Variants in ALMS1 observed in about 807,000 individuals in gnomAD.
The protein encoded by ALMS1 is centrosome-associated protein ALMS1.
A neutral mutation model predicts 352.2 loss-of-function variants in ALMS1; 271 were observed. The ratio of observed to expected loss-of-function variants is 0.77; its 90% CI spans 0.70 to 0.85. ALMS1 has a LOEUF of 0.85. Ranked by LOEUF, ALMS1 falls within the 40% of genes least tolerant of loss-of-function variation. The pLI, the probability that ALMS1 is intolerant of heterozygous loss-of-function variation, is 0.00. For missense variants in ALMS1, 5,445 were observed against 4,870.7 expected (o/e 1.12, Z -3.51); for synonymous variants, 1,865 against 1,761.2 (o/e 1.06, Z -1.48).
chr2:73,487,117 A>T (rs1211109541), intron 9 of ALMS1, among the ~76,000 whole-genome samples: 1 of 152,108 alleles, frequency 6.6e-6, no homozygotes, highest in East Asian at 1.9e-4. Flanking sequence ...CAAGCTGGAA[A>T]CCACTGTGGC....
intron 1 of ALMS1, among the ~76,000 whole-genome samples, chr2:73,403,258 A>C (rs1008730936): frequency 9.2e-5 from 14 of 152,158 alleles, no homozygotes; most frequent in African/African-American, 3.4e-4. Flanking sequence ...AGGAAATTTA[A>C]TTTTCTCAGC....
chr2:73,395,078 A>ATATATATTTTT (rs1243905312), intron 1 of ALMS1, among the ~76,000 whole-genome samples: 2 of 101,330 alleles, frequency 2.0e-5, no homozygotes, highest in African/African-American at 9.5e-5. Context: ...ATATATATAT[A>ATATATATTTTT]TTTTTTTTTT....
intron 6 of ALMS1, among the ~76,000 whole-genome samples, chr2:73,430,614 A>G (rs1671480685): frequency 6.6e-6 from 1 of 152,194 alleles, no homozygotes; most frequent in Admixed American, 6.5e-5. Flanking sequence ...CCATAAGATT[A>G]AAATACTGTA....
intron 13 of ALMS1, among the ~76,000 whole-genome samples, chr2:73,554,550 A>G (rs956845653): frequency 1.5e-4 from 21 of 137,560 alleles, no homozygotes; most frequent in African/African-American, 5.4e-4. Context: ...CTAAAAATAC[A>G]AAAAAAAAAA....
intron 1 of ALMS1, among the ~76,000 whole-genome samples, chr2:73,396,550 C>CTTTTTT (rs60473435): frequency 1.2e-4 from 9 of 78,240 alleles, no homozygotes; most frequent in East Asian, 3.8e-4. Flanking sequence ...GGTCTGAGCT[C>CTTTTTT]TTTTTTTTTT....
intron 9 of ALMS1, among the ~76,000 whole-genome samples, chr2:73,482,411 C>T (rs1405587793): frequency 6.7e-6 from 1 of 150,000 alleles, no homozygotes; most frequent in Non-Finnish European, 1.5e-5. Context: ...ACCAGCCTTG[C>T]ATCCCAGGGA....
intron 15 of ALMS1, among the ~76,000 whole-genome samples, chr2:73,570,110 A>G (rs1320112194): frequency 1.3e-5 from 2 of 152,210 alleles, no homozygotes; most frequent in African/African-American, 4.8e-5. Context: ...GGGAGTTGGA[A>G]CTATCAAGAA....
intron 1 of ALMS1, among the ~76,000 whole-genome samples, chr2:73,405,393 C>T (rs990892502): frequency 6.6e-6 from 1 of 152,094 alleles, no homozygotes; most frequent in Admixed American, 6.6e-5. Context: ...TAGTATTCTC[C>T]TATGATCCTT....
chr2:73,519,915 A>T lies in ALMS1; in HGVS notation c.9680A>T (p.His3227Leu). Residue 3227 changes from histidine to leucine, a missense_variant, in exon 11 of 23, where the codon CAT becomes CTT. His to Leu is a moderately conservative substitution (Grantham distance 99). Transcript: ENST00000613296. ...EIFINAEDRG[H>L]EIIEPGNQKL... ...TTTATTAATGCTGAAGATCGTGGAC[A>T]TGAAATTATAGAGCCTGGTAACCAG... 1 of 1,614,152 alleles carries T rather than the reference A, an allele frequency of 6.2e-7. No homozygotes were observed. The highest frequency in any genetic ancestry group is 8.5e-7 in the Non-Finnish European group (1 of 1,179,984).
intron 1 of ALMS1, among the ~76,000 whole-genome samples, chr2:73,405,850 A>C (rs1162653275): frequency 7.9e-5 from 12 of 151,876 alleles, no homozygotes; most frequent in African/African-American, 2.9e-4. Context: ...AATTTCTATA[A>C]ATTTCTTGAT....
Position 73,490,163 on chromosome 2 carries a change from G to C in ALMS1, c.8204G>C (p.Gly2735Ala), listed in dbSNP as rs1420994362. The C allele has an allele frequency of 6.2e-7, 1 of 1,614,126 alleles. No individual in the cohort carries two copies. Among genetic ancestry groups the C allele is most frequent in the Admixed American group, 1.7e-5 (1 of 60,016 alleles). ...CISNSSVVKVGVTEGSQCTGA... is the reference protein window; with the variant it reads ...CISNSSVVKVAVTEGSQCTGA... ...TCCAATTCCTCTGTTGTTAAGGTTGGTGTTACTGAAGGTAGCCAGTGTACT... is the reference window on the plus strand; with the variant it reads ...TCCAATTCCTCTGTTGTTAAGGTTGCTGTTACTGAAGGTAGCCAGTGTACT... The change falls in exon 10 of 23, where the codon GGT becomes GCT. Residue 2735 changes from glycine to alanine, a missense_variant. Transcript: ENST00000613296.
At chr2:73,578,998 G>A (rs4353677) in intron 16 of ALMS1, among the ~76,000 whole-genome samples, 1 of 151,168 alleles carries the variant, frequency 6.6e-6, no homozygotes, top group African/African-American at 2.4e-5. Flanking sequence ...TTCCTTATAG[G>A]GAAGGTCTAC....
chr2:73,416,177 G>T (rs1469775597), intron 2 of ALMS1, among the ~76,000 whole-genome samples: 1 of 152,112 alleles, frequency 6.6e-6, no homozygotes, highest in East Asian at 1.9e-4. Flanking sequence ...AAAACCTTTT[G>T]TTGGCTCACT....
At chr2:73,524,662 A>T (rs999489531) in intron 11 of ALMS1, among the ~76,000 whole-genome samples, 3 of 152,136 alleles carry the variant, frequency 2.0e-5, no homozygotes, top group Non-Finnish European at 2.9e-5. Flanking sequence ...CATGTTGGCC[A>T]GGCTGGTCTC....
chr2:73,585,073 T>C (rs888722900), intron 16 of ALMS1, among the ~76,000 whole-genome samples: 2 of 152,256 alleles, frequency 1.3e-5, no homozygotes, highest in Non-Finnish European at 2.9e-5. Flanking sequence ...TTGCGAATCA[T>C]GCTGCTATAA....
chr2:73,430,298 G>C (rs866347765), intron 6 of ALMS1, among the ~76,000 whole-genome samples: 9 of 151,966 alleles, frequency 5.9e-5, no homozygotes, highest in Middle Eastern at 3.2e-3. Context: ...GGATGGTCTC[G>C]ATCTCCTGAC....
At chr2:73,520,789 A>G (rs1163634718) in intron 11 of ALMS1, among the ~76,000 whole-genome samples, 2 of 152,226 alleles carry the variant, frequency 1.3e-5, no homozygotes, top group Admixed American at 1.3e-4. Context: ...TGATATTTTG[A>G]TAGTACTTTT....
intron 16 of ALMS1, among the ~76,000 whole-genome samples, chr2:73,583,661 A>G (rs1451201593): frequency 6.6e-6 from 1 of 152,218 alleles, no homozygotes; most frequent in Non-Finnish European, 1.5e-5. Flanking sequence ...TAATTTTTGT[A>G]CATGGTATAA....
At chr2:73,492,878 C>T (rs917756191) in intron 10 of ALMS1, among the ~76,000 whole-genome samples, 3 of 151,624 alleles carry the variant, frequency 2.0e-5, no homozygotes, top group African/African-American at 7.3e-5. Context: ...GCTGGGACCA[C>T]AGGCGTGCAC....
Sources: allele counts gnomAD v4.1 joint callset (sites outside exome capture counted in the v4.1 genomes callset), GRCh38; gene constraint gnomAD v4.1.1; transcripts MANE v1.5; gene names NCBI Gene and HGNC (gene_info 2026-07-23, HGNC 2026-07-21).